ANGPT1: variants seen among roughly 807,000 people sequenced by gnomAD.
ANGPT1 encodes the protein angiopoietin-1.
In ANGPT1, 17 loss-of-function variants were observed where a neutral mutation model predicts 62.2. The observed-to-expected ratio is 0.27, with a 90% CI of 0.19 to 0.41. The LOEUF is 0.41. Among genes scored for constraint, ANGPT1 ranks in the 10% least tolerant of loss-of-function variants. ANGPT1 has a pLI of 1.00. For synonymous variants in ANGPT1, 199 were observed against 198.9 expected (o/e 1.00, Z 0.00); for missense variants, 478 against 594.9 (o/e 0.80, Z 2.04).
intron 1 of ANGPT1, among the ~76,000 whole-genome samples, chr8:107,355,572 A>G (rs1216792934): frequency 6.6e-6 from 1 of 151,872 alleles, no homozygotes; most frequent in Non-Finnish European, 1.5e-5. Flanking sequence ...GACATACCAA[A>G]TGACCACAGT....
chr8:107,356,379 C>T (rs937913904), intron 1 of ANGPT1, among the ~76,000 whole-genome samples: 2 of 152,136 alleles, frequency 1.3e-5, no homozygotes, highest in African/African-American at 2.4e-5. Context: ...CATAAGCATG[C>T]TACAAATGCT....
chr8:107,450,312 T>C (rs1052143076), intron 1 of ANGPT1, among the ~76,000 whole-genome samples: 4 of 152,050 alleles, frequency 2.6e-5, no homozygotes, highest in African/African-American at 9.7e-5. Flanking sequence ...CTGCTAAAGC[T>C]CAAATTCTGC....
At position 107,497,744 on chromosome 8, in the gene ANGPT1, T is replaced by A. The variant is rs1331907999; in HGVS notation, c.-186A>T. On this transcript the variant is annotated 5_prime_UTR_variant, in exon 1 of 9. Transcript: ENST00000517746. ...TTAGCTTTGTTCTAAAATTTTAAAATTTTTTATTTCACTGCAATGATGTTT... is the reference window on the plus strand; with the variant it reads ...TTAGCTTTGTTCTAAAATTTTAAAAATTTTTATTTCACTGCAATGATGTTT... 1.5e-6 allele frequency: 1 copy of A among 654,324 alleles called. No homozygotes were observed. Among genetic ancestry groups the A allele is most frequent in the East Asian group, 2.8e-5 (1 of 35,802 alleles). The allele number at this position is 654,324 out of a possible 1,614,324, so 40.5% of individuals were successfully genotyped here. A position where few individuals can be genotyped will look rare whatever the true frequency, so the allele number is the denominator to read the frequency against.
At chr8:107,360,786 C>T (rs1204417116) in intron 1 of ANGPT1, among the ~76,000 whole-genome samples, 1 of 152,024 alleles carries the variant, frequency 6.6e-6, no homozygotes, top group Non-Finnish European at 1.5e-5. Context: ...TACTTGTTGT[C>T]CTTTTAAAAA....
intron 8 of ANGPT1, among the ~76,000 whole-genome samples, chr8:107,256,239 C>A (rs530895915): frequency 6.6e-6 from 1 of 152,184 alleles, no homozygotes; most frequent in Non-Finnish European, 1.5e-5. Context: ...TATAAAATAT[C>A]CTAACTTCAA....
chr8:107,308,650 G>A (rs189135687), intron 4 of ANGPT1, among the ~76,000 whole-genome samples: 9 of 152,272 alleles, frequency 5.9e-5, no homozygotes, highest in Non-Finnish European at 1.2e-4. Flanking sequence ...AAATTTAAGA[G>A]CCTGGTATGC....
chr8:107,367,488 G>T (rs1816299501), intron 1 of ANGPT1, among the ~76,000 whole-genome samples: 2 of 152,066 alleles, frequency 1.3e-5, no homozygotes, highest in Non-Finnish European at 2.9e-5. Context: ...AAATAAAACA[G>T]TGAAGTTATC....
chr8:107,289,130 T>A (rs970591932), intron 6 of ANGPT1, among the ~76,000 whole-genome samples: 3 of 152,166 alleles, frequency 2.0e-5, no homozygotes, highest in African/African-American at 7.2e-5. Flanking sequence ...GTAACTCAGA[T>A]ACATTGTTAA....
rs10655133 is a variant in ANGPT1, at chr8:107,268,406, TTGTGTG to T, written c.1206-4061_1206-4056del. 2.3e-3 allele frequency among the ~76,000 whole-genome samples: 330 copies of T among 144,640 alleles called. 3 individuals carry two copies. The East Asian group carries it at 0.029, about 13-fold the overall frequency. 94.9% of individuals were successfully genotyped at this position (144,640 alleles called of 152,430 possible). A position where few individuals can be genotyped will look rare whatever the true frequency, so the allele number is the denominator to read the frequency against. ...ATAATTAAAAAATACACATGTAGGGTTGTGTGTGTGTGTGTGTGTGTGTGTGTGTGT... is the reference window on the plus strand; with the variant it reads ...ATAATTAAAAAATACACATGTAGGGTTGTGTGTGTGTGTGTGTGTGTGTGT... On this transcript the variant is annotated intron_variant, in intron 7 of 8. Transcript: ENST00000517746.
intron 1 of ANGPT1, among the ~76,000 whole-genome samples, chr8:107,475,549 C>G (rs948070399): frequency 6.6e-6 from 1 of 152,112 alleles, no homozygotes; most frequent in Non-Finnish European, 1.5e-5. Flanking sequence ...GTCTAAAACA[C>G]CAAAAGCAAT....
intron 7 of ANGPT1, among the ~76,000 whole-genome samples, chr8:107,281,161 T>A (rs1283320068): frequency 6.6e-6 from 1 of 152,134 alleles, no homozygotes; most frequent in Admixed American, 6.5e-5. Context: ...CATCTATCCA[T>A]TCACAACACT....
chr8:107,408,018 A>G (rs1164374687), intron 1 of ANGPT1, among the ~76,000 whole-genome samples: 1 of 152,220 alleles, frequency 6.6e-6, no homozygotes, highest in Non-Finnish European at 1.5e-5. Context: ...AAGCACTGGC[A>G]TATAGTCCAG....
At chr8:107,495,188 TTGACAA>T (rs1381414664) in intron 1 of ANGPT1, among the ~76,000 whole-genome samples, 1 of 152,276 alleles carries the variant, frequency 6.6e-6, no homozygotes, top group East Asian at 1.9e-4. Flanking sequence ...ACCAATCACA[TTGACAA>T]TGACAAAAGA....
intron 8 of ANGPT1, among the ~76,000 whole-genome samples, chr8:107,263,755 G>A (rs1813551702): frequency 6.6e-6 from 1 of 152,070 alleles, no homozygotes; most frequent in Non-Finnish European, 1.5e-5. Flanking sequence ...CAAAACTCTG[G>A]TATAGCTGGT....
chr8:107,416,419 G>C (rs942449370), intron 1 of ANGPT1, among the ~76,000 whole-genome samples: 1 of 152,170 alleles, frequency 6.6e-6, no homozygotes, highest in African/African-American at 2.4e-5. Context: ...ATGAGGTCTG[G>C]AAGGGTCCCA....
At chr8:107,355,619 A>T (rs1334892591) in intron 1 of ANGPT1, among the ~76,000 whole-genome samples, 2 of 149,694 alleles carry the variant, frequency 1.3e-5, no homozygotes, top group Non-Finnish European at 2.9e-5. Context: ...TTTTTGACTC[A>T]TGTCTTTGCA....
At chr8:107,343,657 TAAGA>T (rs200932878) in intron 2 of ANGPT1, among the ~76,000 whole-genome samples, 2,108 of 152,320 alleles carry the variant, frequency 0.014, 35 homozygotes, top group South Asian at 0.027. Context: ...GACTGAAAGT[TAAGA>T]AAGAAATGAC....
chr8:107,496,812 T>A (rs1247008516), intron 1 of ANGPT1, among the ~76,000 whole-genome samples: 1 of 152,146 alleles, frequency 6.6e-6, no homozygotes, highest in Non-Finnish European at 1.5e-5. Flanking sequence ...TTATAAAGGT[T>A]AAAAAAACAA....
chr8:107,438,313 CTTT>C (rs1811383503), intron 1 of ANGPT1, among the ~76,000 whole-genome samples: 1 of 151,840 alleles, frequency 6.6e-6, no homozygotes, highest in South Asian at 2.1e-4. Flanking sequence ...TCTTCTTCTT[CTTT>C]GTCACCTCCA....
Sources: gnomAD v4.1 joint callset for allele counts (sites outside exome capture counted in the v4.1 genomes callset) on GRCh38, gnomAD v4.1.1 for gene constraint, MANE v1.5 for transcripts, NCBI Gene and HGNC (gene_info 2026-07-23, HGNC 2026-07-21) for gene names.